Variants in FRYL observed in about 807,000 individuals in gnomAD.
FRYL encodes protein furry homolog-like.
In FRYL, 150 loss-of-function variants were observed where a neutral mutation model predicts 351.2. The observed-to-expected ratio is 0.43, with a 90% CI of 0.37 to 0.49. FRYL has a LOEUF of 0.49. FRYL is among the 20% of genes least tolerant of loss of function. The pLI is 0.00. For missense variants in FRYL, 3,036 were observed against 3,619.3 expected (o/e 0.84, Z 4.13); for synonymous variants, 1,153 against 1,257.1 (o/e 0.92, Z 1.75).
chr4:48,702,081 T>C (rs1395996618), intron 2 of FRYL, among the ~76,000 whole-genome samples: 2 of 152,206 alleles, frequency 1.3e-5, no homozygotes, highest in Non-Finnish European at 2.9e-5. Flanking sequence ...ATAAGAAATT[T>C]GAATGACTGA....
rs1269367054 is a variant in FRYL, at chr4:48,512,691, AT to A, written c.7938-4del. On this transcript the variant is annotated splice_polypyrimidine_tract_variant and splice_region_variant and intron_variant, in intron 56 of 63. Transcript: ENST00000358350. ...CATCTTGCTCTTCTTCATCTTGACT[AT>A]TAACACAGATATCATAAATATCATA... The A allele has an allele frequency of 6.3e-7, 1 of 1,599,442 alleles. No homozygotes were observed. Among genetic ancestry groups the A allele is most frequent in the Non-Finnish European group, 8.6e-7 (1 of 1,166,730 alleles).
In FRYL at chr4:48,505,577, T is replaced by G. The variant is rs778629250; in HGVS notation, c.8433A>C (p.Glu2811Asp). The change falls in exon 60 of 64, where the codon GAA (glutamate) becomes GAC (aspartate). Residue 2811 changes from glutamate to aspartate, a missense_variant. Transcript: ENST00000358350. Reference sequence around the variant, plus strand: ...CATCTGTGTTTATCCTATACATGTCTTCTTTGGCACCAAATGTCCTCTTAC... The same window carrying G: ...CATCTGTGTTTATCCTATACATGTCGTCTTTGGCACCAAATGTCCTCTTAC... ...DDCKRTFGAK[E>D]DMYRINTDAQ... 10 of 1,609,974 alleles carry G rather than the reference T, an allele frequency of 6.2e-6. No individual in the cohort carries two copies. The South Asian group carries it at 1.0e-4, about 16-fold the overall frequency.
intron 13 of FRYL, among the ~76,000 whole-genome samples, chr4:48,598,139 T>C (rs1744987320): frequency 6.6e-6 from 1 of 152,218 alleles, no homozygotes; most frequent in Non-Finnish European, 1.5e-5. Flanking sequence ...GGTGCATGCC[T>C]GTAGTCTCAG....
At position 48,579,158 on chromosome 4, in the gene FRYL, A is replaced by G. The variant is rs768775867; in HGVS notation, c.2343T>C (p.Asp781=). The change falls in exon 23 of 64, where the codon GAT becomes GAC. Residue 781 remains aspartate, a synonymous_variant. Coordinates refer to ENST00000358350, the MANE Select transcript of FRYL (RefSeq NM_015030.2). The stretch of plus-strand genomic sequence containing the variant: ...TCCATATATGTGATGGACTAATCAC[A>G]TCAAACTGGTGGCTAATAGGAGAAG... ...WNSSPISHQF[D]VISPSHIWIF... The G allele has an allele frequency of 8.7e-6, 14 of 1,613,852 alleles. No homozygotes were observed. The highest frequency in any genetic ancestry group is 3.3e-5 in the Admixed American group (2 of 60,000).
intron 2 of FRYL, among the ~76,000 whole-genome samples, chr4:48,708,595 C>T (rs1324794038): frequency 6.6e-6 from 1 of 152,196 alleles, no homozygotes; most frequent in East Asian, 1.9e-4. Context: ...TTATATTATA[C>T]CATTTATATT....
intron 3 of FRYL, among the ~76,000 whole-genome samples, chr4:48,645,372 T>A (rs1019060028): frequency 2.0e-5 from 3 of 151,936 alleles, no homozygotes; most frequent in African/African-American, 7.2e-5. Context: ...CTGATAATAA[T>A]TCAGCTTTGT....
chr4:48,633,172 C>A (rs1304977503), intron 4 of FRYL, among the ~76,000 whole-genome samples: 1 of 152,132 alleles, frequency 6.6e-6, no homozygotes, highest in Non-Finnish European at 1.5e-5. Context: ...CAAAGAGTAA[C>A]CTAAACTGTC....
intron 3 of FRYL, among the ~76,000 whole-genome samples, chr4:48,663,647 C>G: frequency 6.6e-6 from 1 of 151,296 alleles, no homozygotes; most frequent in Middle Eastern, 3.4e-3. Context: ...TGGTAGCGGG[C>G]GCCTGTAGTC....
intron 25 of FRYL, 151 bp downstream of exon 25, chr4:48,574,966 G>A (rs2149127230): frequency 3.7e-6 from 2 of 535,244 alleles, no homozygotes; most frequent in East Asian, 6.0e-5. Flanking sequence ...CATGTTAAAT[G>A]TTACATGGCT....
At chr4:48,755,037 C>G (rs1773634902) in intron 1 of FRYL, among the ~76,000 whole-genome samples, 1 of 152,158 alleles carries the variant, frequency 6.6e-6, no homozygotes, top group Admixed American at 6.5e-5. Context: ...TAATGTAAGA[C>G]TAGCACTCTC....
intron 59 of FRYL, chr4:48,506,661 TATA>T (rs1721100773): frequency 9.9e-6 from 1 of 101,054 alleles, no homozygotes; most frequent in South Asian, 3.0e-4. Context: ...TATATATATA[TATA>T]TATATGAAAT....
chr4:48,755,188 T>G (rs185622765), intron 1 of FRYL, among the ~76,000 whole-genome samples: 2 of 152,340 alleles, frequency 1.3e-5, no homozygotes, highest in Admixed American at 1.3e-4. Context: ...CTCACCCTTG[T>G]AACTGTGCAG....
Position 48,544,001 on chromosome 4 carries a change from T to TGAATGCAAAG in FRYL, c.5402-14_5402-5dup. 1 of 1,612,774 alleles carries TGAATGCAAAG rather than the reference T, an allele frequency of 6.2e-7. No individual in the cohort carries two copies. Among genetic ancestry groups the TGAATGCAAAG allele is most frequent in the South Asian group, 1.1e-5 (1 of 90,998 alleles). On this transcript the variant is annotated splice_polypyrimidine_tract_variant and splice_region_variant and intron_variant, in intron 43 of 63. Coordinates refer to ENST00000358350, the MANE Select transcript of FRYL (RefSeq NM_015030.2). Reference sequence around the variant, plus strand: ...TGATGTTCCAGATGAATTCCTTCTGTGAATGCAAAGGAAACGAGTAGGTTG... The same window carrying TGAATGCAAAG: ...TGATGTTCCAGATGAATTCCTTCTGTGAATGCAAAGGAATGCAAAGGAAACGAGTAGGTTG...
chr4:48,772,553 A>G (rs1291333777), intron 1 of FRYL, among the ~76,000 whole-genome samples: 1 of 152,174 alleles, frequency 6.6e-6, no homozygotes, highest in Non-Finnish European at 1.5e-5. Context: ...CCAGTATTAT[A>G]GATGGCATAA....
intron 1 of FRYL, among the ~76,000 whole-genome samples, chr4:48,748,781 T>C (rs1772944186): frequency 6.6e-6 from 1 of 152,158 alleles, no homozygotes. Context: ...CAAGATATTA[T>C]AGTAAGTAGA....
Position 48,499,043 on chromosome 4 carries a change from G to T in FRYL, c.*379C>A. The T allele has an allele frequency of 5.1e-6, 1 of 195,034 alleles. No individual in the cohort carries two copies. Among genetic ancestry groups the T allele is most frequent in the East Asian group, 1.4e-4 (1 of 7,046 alleles). 12.1% of individuals were successfully genotyped at this position (195,034 alleles called of 1,614,324 possible). On this transcript the variant is annotated 3_prime_UTR_variant, in exon 64 of 64. Coordinates refer to ENST00000358350, the MANE Select transcript of FRYL (RefSeq NM_015030.2). The stretch of plus-strand genomic sequence containing the variant: ...TCTTCAGCTAAAATGAAACAGCCTT[G>T]ATTTCAGCCTCATTTCACCTGCTTT...
chr4:48,598,151 T>C (rs1243382494), intron 13 of FRYL, among the ~76,000 whole-genome samples: 1 of 152,322 alleles, frequency 6.6e-6, no homozygotes, highest in Non-Finnish European at 1.5e-5. Flanking sequence ...TAGTCTCAGC[T>C]TGAACTCAGG....
chr4:48,695,803 G>C (rs556612243), intron 2 of FRYL, among the ~76,000 whole-genome samples: 18 of 152,008 alleles, frequency 1.2e-4, no homozygotes, highest in Non-Finnish European at 2.2e-4. Flanking sequence ...CTAATATCCA[G>C]AATCTACAAG....
At position 48,543,860 on chromosome 4, in the gene FRYL, C is replaced by T; in HGVS notation, c.5539G>A (p.Asp1847Asn). 6.2e-7 allele frequency: 1 copy of T among 1,613,830 alleles called. No individual in the cohort carries two copies. Among genetic ancestry groups the T allele is most frequent in the South Asian group, 1.1e-5 (1 of 91,080 alleles). Residue 1847 changes from aspartate (D) to asparagine (N), a missense_variant, in exon 44 of 64, where the codon GAT (aspartate) becomes AAT (asparagine). Physicochemically the swap from Asp to Asn is conservative, Grantham distance 23. Transcript: ENST00000358350. ...GTTTCTACAAGTCTGGAGAGAACAT[C>T]AGAAAGTGTAGTTGCAGTGAGAGGC... ...KQPLTATTLSDVLSRLVETVG... is the reference protein window; with the variant it reads ...KQPLTATTLSNVLSRLVETVG...
Sources: gnomAD v4.1 joint callset for allele counts (sites outside exome capture counted in the v4.1 genomes callset) on GRCh38, gnomAD v4.1.1 for gene constraint, MANE v1.5 for transcripts, NCBI Gene and HGNC (gene_info 2026-07-23, HGNC 2026-07-21) for gene names.